Variants in ARFGEF2 observed in about 807,000 individuals in gnomAD.
ARFGEF2 encodes ARF guanine nucleotide exchange factor 2, also known as brefeldin A-inhibited guanine nucleotide-exchange protein 2.
A neutral mutation model predicts 219.9 loss-of-function variants in ARFGEF2; 74 were observed. The ratio of observed to expected loss-of-function variants is 0.34; its 90% CI spans 0.28 to 0.41. The LOEUF (loss-of-function observed/expected upper bound fraction) is 0.41, where lower values mean the gene tolerates loss of function less well. ARFGEF2 is among the 10% of genes least tolerant of loss of function. ARFGEF2 has a pLI of 1.00. For missense variants in ARFGEF2, 1,743 were observed against 2,218.3 expected, an observed-to-expected ratio of 0.79 and a Z score of 4.30; for synonymous variants, 733 against 799.2, an observed-to-expected ratio of 0.92 and a Z score of 1.40.
chr20:48,962,848 C>T (rs1218168855), intron 6 of ARFGEF2, among the ~76,000 whole-genome samples: 1 of 152,106 alleles, frequency 6.6e-6, no homozygotes, highest in Non-Finnish European at 1.5e-5. Context: ...AATACACAGT[C>T]AAAGGATTAT....
At chr20:49,018,065 T>C (rs1353989018) in intron 33 of ARFGEF2, among the ~76,000 whole-genome samples, 1 of 152,218 alleles carries the variant, frequency 6.6e-6, no homozygotes, top group Non-Finnish European at 1.5e-5. Flanking sequence ...TTACTTTTTG[T>C]GTGAGTCCAC....
At chr20:48,937,713 A>G (rs2090967612) in intron 1 of ARFGEF2, among the ~76,000 whole-genome samples, 1 of 152,064 alleles carries the variant, frequency 6.6e-6, no homozygotes, top group Admixed American at 6.5e-5. Context: ...CCAGGTAGCA[A>G]CTCTTTCCTG....
intron 33 of ARFGEF2, 105 bp downstream of exon 33, chr20:49,017,655 AT>A (rs1278797228): frequency 2.2e-5 from 25 of 1,139,944 alleles, no homozygotes; most frequent in Non-Finnish European, 3.2e-5. Flanking sequence ...AGTGAGTAAA[AT>A]TATAAGATCT....
intron 8 of ARFGEF2, among the ~76,000 whole-genome samples, chr20:48,968,236 G>T (rs1001675352): frequency 6.6e-6 from 1 of 151,872 alleles, no homozygotes; most frequent in Non-Finnish European, 1.5e-5. Context: ...CTCGTGATTC[G>T]CCCGCCTCAG....
At chr20:48,928,489 C>T (rs1488049815) in intron 1 of ARFGEF2, among the ~76,000 whole-genome samples, 65 of 142,238 alleles carry the variant, frequency 4.6e-4, no homozygotes, top group African/African-American at 1.6e-3. Context: ...TGAGCCACCG[C>T]GCCCGGCCGC....
At chr20:48,927,682 T>C (rs2090886767) in intron 1 of ARFGEF2, among the ~76,000 whole-genome samples, 1 of 150,966 alleles carries the variant, frequency 6.6e-6, no homozygotes, top group African/African-American at 2.4e-5. Flanking sequence ...AGCGAGACTC[T>C]GTCTCAAAAA....
At chr20:48,935,069 TC>T (rs1386588555) in intron 1 of ARFGEF2, among the ~76,000 whole-genome samples, 1 of 151,450 alleles carries the variant, frequency 6.6e-6, no homozygotes, top group African/African-American at 2.4e-5. Context: ...AGATGGTATC[TC>T]GTTGTGGTTT....
At chr20:49,005,305 AT>A (rs1259427146) in intron 26 of ARFGEF2, 84 bp downstream of exon 26, 8 of 1,540,814 alleles carry the variant, frequency 5.2e-6, no homozygotes, top group African/African-American at 1.4e-5. Context: ...CACATGATTA[AT>A]TTTTTTCCTC....
At chr20:49,023,276 G>C (rs2091577816) in intron 35 of ARFGEF2, 95 bp downstream of exon 35, 1 of 1,512,306 alleles carries the variant, frequency 6.6e-7, no homozygotes, top group South Asian at 1.2e-5. Context: ...TGGCTTTCCA[G>C]AGCCTGTCAT....
At chr20:48,987,676 G>A (rs1378249264) in intron 16 of ARFGEF2, among the ~76,000 whole-genome samples, 2 of 152,132 alleles carry the variant, frequency 1.3e-5, no homozygotes, top group African/African-American at 4.8e-5. Flanking sequence ...CAAGTGTAAG[G>A]TCTCCTGATG....
chr20:49,034,400 A>G lies in ARFGEF2; in HGVS notation c.*1201A>G, dbSNP rs769544414. 1.3e-5 allele frequency: 2 copies of G among 152,174 alleles called. No homozygotes were observed. Among genetic ancestry groups the G allele is most frequent in the Non-Finnish European group, 1.5e-5 (1 of 68,042 alleles). The allele number at this position is 152,174 out of a possible 1,614,324, so 9.4% of individuals were successfully genotyped here. A position where few individuals can be genotyped will look rare whatever the true frequency, so the allele number is the denominator to read the frequency against. On this transcript the variant is annotated 3_prime_UTR_variant, in exon 39 of 39. Coordinates refer to ENST00000371917, the MANE Select transcript of ARFGEF2 (RefSeq NM_006420.3). Reference sequence around the variant, plus strand: ...TCCTTATTATGTTAATGATGGTGCAATACTCTCACCTGCAGTAGAACTGAG... The same window carrying G: ...TCCTTATTATGTTAATGATGGTGCAGTACTCTCACCTGCAGTAGAACTGAG...
At chr20:48,973,087 A>G in intron 11 of ARFGEF2, 58 bp from the exon 12 acceptor site, 1 of 1,606,102 alleles carries the variant, frequency 6.2e-7, no homozygotes, top group Admixed American at 1.7e-5. Flanking sequence ...CTTGTTTGAT[A>G]AGAAAACCTA....
At chr20:49,021,226 A>AC (rs2091563107) in intron 34 of ARFGEF2, among the ~76,000 whole-genome samples, 1 of 151,664 alleles carries the variant, frequency 6.6e-6, no homozygotes, top group Non-Finnish European at 1.5e-5. Context: ...ACATGGTGAG[A>AC]CCCCATCTCT....
At chr20:49,015,751 T>C (rs747142165) in intron 30 of ARFGEF2, among the ~76,000 whole-genome samples, 3 of 152,218 alleles carry the variant, frequency 2.0e-5, no homozygotes, top group Non-Finnish European at 4.4e-5. Flanking sequence ...TTTTAGTCAT[T>C]GCTAATTTGA....
At chr20:49,009,734 T>G (rs2091484517) in intron 26 of ARFGEF2, among the ~76,000 whole-genome samples, 2 of 152,240 alleles carry the variant, frequency 1.3e-5, no homozygotes, top group African/African-American at 4.8e-5. Flanking sequence ...TATATGTGTT[T>G]ATCACATAGG....
chr20:48,978,655 G>A (rs1185116378), intron 14 of ARFGEF2, among the ~76,000 whole-genome samples: 2 of 152,130 alleles, frequency 1.3e-5, no homozygotes, highest in Admixed American at 1.3e-4. Flanking sequence ...TTGAACAGTG[G>A]TTTATAGTTC....
At position 49,005,827 on chromosome 20, in the gene ARFGEF2, G is replaced by A. The variant is rs200848453; in HGVS notation, c.3584+606G>A. 1.6e-3 allele frequency among the ~76,000 whole-genome samples: 247 copies of A among 151,482 alleles called. 1 individual carries two copies. Among genetic ancestry groups the A allele is most frequent in the African/African-American group, 5.4e-3 (223 of 41,336 alleles). Reference sequence around the variant, plus strand: ...GGAGATTAAAGGAAGAGCCACTGCAGAAGCATCCTCAAACCAGGATAAGAA... The same window carrying A: ...GGAGATTAAAGGAAGAGCCACTGCAAAAGCATCCTCAAACCAGGATAAGAA... On this transcript the variant is annotated intron_variant, in intron 26 of 38. Transcript: ENST00000371917.
intron 3 of ARFGEF2, among the ~76,000 whole-genome samples, chr20:48,948,798 G>A (rs1388753618): frequency 6.6e-6 from 1 of 152,200 alleles, no homozygotes; most frequent in Non-Finnish European, 1.5e-5. Flanking sequence ...CAGCTGCCTA[G>A]AGGCCTCCCT....
At chr20:49,014,090 A>G in intron 30 of ARFGEF2, 130 bp downstream of exon 30, 1 of 1,204,316 alleles carries the variant, frequency 8.3e-7, no homozygotes, top group Non-Finnish European at 1.2e-6. Context: ...AGGTTTTAAA[A>G]ATGGAAACAC....
Sources: allele counts gnomAD v4.1 joint callset (sites outside exome capture counted in the v4.1 genomes callset), GRCh38; gene constraint gnomAD v4.1.1; transcripts MANE v1.5; gene names NCBI Gene and HGNC (gene_info 2026-07-23, HGNC 2026-07-21).